TLDC2: variants seen among roughly 807,000 people sequenced by gnomAD.
TLDC2 encodes the protein TLD domain-containing protein 2.
A neutral mutation model predicts 27.9 loss-of-function variants in TLDC2; 23 were observed. That is an observed-to-expected ratio of 0.82 (90% confidence interval 0.59 to 1.17). The LOEUF (loss-of-function observed/expected upper bound fraction) is 1.17. Among genes scored for constraint, TLDC2 ranks in the 50% most tolerant of loss-of-function variants. The pLI, the probability that TLDC2 is intolerant of heterozygous loss-of-function variation, is 0.00. For synonymous variants in TLDC2, 124 were observed against 107.4 expected (o/e 1.16, Z -0.96); for missense variants, 286 against 273.4 (o/e 1.05, Z -0.32).
intron 4 of TLDC2, among the ~76,000 whole-genome samples, chr20:36,885,489 C>A (rs1989903129): frequency 2.6e-5 from 4 of 152,156 alleles, no homozygotes; most frequent in Admixed American, 2.6e-4. Context: ...GCACCATGAA[C>A]TTGGTCTCAA....
At chr20:36,885,014 G>A (rs1242389791) in intron 4 of TLDC2, among the ~76,000 whole-genome samples, 1 of 151,654 alleles carries the variant, frequency 6.6e-6, no homozygotes, top group Non-Finnish European at 1.5e-5. Flanking sequence ...GAGTAGCTGG[G>A]ATTACAGGCA....
chr20:36,887,311 C>A (rs367739668), intron 4 of TLDC2, 144 bp from the exon 5 acceptor site: 2 of 724,806 alleles, frequency 2.8e-6, no homozygotes, highest in Admixed American at 4.0e-5. Flanking sequence ...CCCAAGATCC[C>A]TGAGCCCGGA....
In TLDC2 at chr20:36,879,023, C is replaced by T. The variant is rs746994588; in HGVS notation, c.190-18C>T. The T allele has an allele frequency of 1.2e-6, 2 of 1,614,082 alleles. No homozygotes were observed. Among genetic ancestry groups the T allele is most frequent in the African/African-American group, 2.7e-5 (2 of 74,946 alleles). On this transcript the variant is annotated intron_variant, in intron 2 of 6. Coordinates refer to ENST00000217320, the MANE Select transcript of TLDC2 (RefSeq NM_080628.3). ...GCGCGAGGAGAACTCCTCCATTCAC[C>T]TCCAACCCTGTCCCCAGCTCAGCTT...
intron 2 of TLDC2, 97 bp downstream of exon 2, chr20:36,878,151 A>G: frequency 1.5e-6 from 2 of 1,354,504 alleles, no homozygotes; most frequent in Non-Finnish European, 9.9e-7. Context: ...ACCTAGAGTC[A>G]CTCTTGCTCT....
intron 4 of TLDC2, among the ~76,000 whole-genome samples, chr20:36,882,334 G>GGTCTT (rs1989832747): frequency 6.6e-6 from 1 of 152,160 alleles, no homozygotes; most frequent in Non-Finnish European, 1.5e-5. Flanking sequence ...CTTGAGCCCA[G>GGTCTT]GAGTTCAAGA....
At chr20:36,888,920 G>A (rs1220350372) in intron 5 of TLDC2, among the ~76,000 whole-genome samples, 1 of 151,846 alleles carries the variant, frequency 6.6e-6, no homozygotes, top group Non-Finnish European at 1.5e-5. Flanking sequence ...TACTAGGGAG[G>A]CTGAGGTAGG....
In TLDC2 at chr20:36,893,246, T is replaced by C; in HGVS notation, c.*402T>C. 1 of 703,338 alleles carries C rather than the reference T, an allele frequency of 1.4e-6. No homozygotes were observed. Among genetic ancestry groups the C allele is most frequent in the Non-Finnish European group, 2.4e-6 (1 of 416,272 alleles). 43.6% of individuals were successfully genotyped at this position (703,338 alleles called of 1,614,324 possible). On this transcript the variant is annotated 3_prime_UTR_variant, in exon 7 of 7. Transcript: ENST00000217320. ...TGTGCTTGGGGCAAATTAGAAACACTACAGTCTTACGCAGGAAGAGCCTTC... is the reference window on the plus strand; with the variant it reads ...TGTGCTTGGGGCAAATTAGAAACACCACAGTCTTACGCAGGAAGAGCCTTC...
At chr20:36,876,439 C>T (rs939599790) in intron 1 of TLDC2, among the ~76,000 whole-genome samples, 1 of 152,190 alleles carries the variant, frequency 6.6e-6, no homozygotes. Context: ...GTCCCTTCCT[C>T]CCTGGAGTGG....
intron 5 of TLDC2, among the ~76,000 whole-genome samples, 192 bp downstream of exon 5, chr20:36,887,720 G>C (rs921134899): frequency 6.6e-6 from 1 of 152,188 alleles, no homozygotes; most frequent in Non-Finnish European, 1.5e-5. Flanking sequence ...AAGGAGAAAG[G>C]ATGCATGAGT....
Position 36,892,917 on chromosome 20 carries a change from A to G in TLDC2, c.*73A>G, listed in dbSNP as rs1405383746. The G allele has an allele frequency of 1.2e-6, 2 of 1,614,060 alleles. No individual in the cohort carries two copies. Among genetic ancestry groups the G allele is most frequent in the South Asian group, 2.2e-5 (2 of 91,072 alleles). ...GTGCAGGAGAGGGAGTTTGTAAACAACTGACTACAGACATTCACATTGGGT... is the reference window on the plus strand; with the variant it reads ...GTGCAGGAGAGGGAGTTTGTAAACAGCTGACTACAGACATTCACATTGGGT... On this transcript the variant is annotated 3_prime_UTR_variant, in exon 7 of 7. Coordinates refer to ENST00000217320, the MANE Select transcript of TLDC2 (RefSeq NM_080628.3).
intron 1 of TLDC2, among the ~76,000 whole-genome samples, chr20:36,877,590 A>G (rs1304308686): frequency 1.5e-5 from 2 of 136,144 alleles, no homozygotes; most frequent in African/African-American, 5.6e-5. Flanking sequence ...CCACCCACCC[A>G]GGACCATGGC....
chr20:36,887,238 G>A (rs919931826), intron 4 of TLDC2, among the ~76,000 whole-genome samples: 1 of 152,136 alleles, frequency 6.6e-6, no homozygotes, highest in Non-Finnish European at 1.5e-5. Context: ...GAGGCTTCTA[G>A]GCTGTAGGAA....
rs951727370 is a variant in TLDC2, at chr20:36,889,131, G to A, written c.513-120G>A. On this transcript the variant is annotated intron_variant, in intron 5 of 6. Transcript: ENST00000217320. Reference sequence around the variant, plus strand: ...TTCAGTATAAATTGCTTTAAGGGGCGATAAGACAGGTGAAACTGGGCTGCC... The same window carrying A: ...TTCAGTATAAATTGCTTTAAGGGGCAATAAGACAGGTGAAACTGGGCTGCC... 65 of 1,434,608 alleles carry A rather than the reference G, an allele frequency of 4.5e-5. No homozygotes were observed. The South Asian group carries it at 6.2e-4, about 14-fold the overall frequency. 88.9% of individuals were successfully genotyped at this position (1,434,608 alleles called of 1,614,324 possible).
At position 36,884,875 on chromosome 20, in the gene TLDC2, C is replaced by CTTTT. The variant is rs11480944; in HGVS notation, c.439-2563_439-2560dup. Among the ~76,000 whole-genome samples, 35 of 103,230 alleles carry CTTTT rather than the reference C, an allele frequency of 3.4e-4. 2 individuals are homozygous for CTTTT. The highest frequency in any genetic ancestry group is 1.1e-3 in the African/African-American group (30 of 26,172). The allele number at this position is 103,230 out of a possible 152,430, so 67.7% of individuals were successfully genotyped here. On this transcript the variant is annotated intron_variant, in intron 4 of 6. Transcript: ENST00000217320. ...TTTGCCATCATTTAACACAGAAATT[C>CTTTT]TTTTTTTTTTTTTTTTTTTTGAGAC...
chr20:36,893,680 C>T lies in TLDC2; in HGVS notation c.*836C>T, dbSNP rs1435938476. ...ATACTTGACTCTATGCTAAACTGTTCTGAACTTGTGGGTAGATCTTCTTTG... is the reference window on the plus strand; with the variant it reads ...ATACTTGACTCTATGCTAAACTGTTTTGAACTTGTGGGTAGATCTTCTTTG... On this transcript the variant is annotated 3_prime_UTR_variant, in exon 7 of 7. Transcript: ENST00000217320. 2.6e-6 allele frequency: 1 copy of T among 388,294 alleles called. No individual in the cohort carries two copies. Among genetic ancestry groups the T allele is most frequent in the Non-Finnish European group, 4.5e-6 (1 of 220,426 alleles). The allele number at this position is 388,294 out of a possible 1,614,324, so 24.1% of individuals were successfully genotyped here.
At chr20:36,880,411 T>C (rs565059251) in intron 3 of TLDC2, among the ~76,000 whole-genome samples, 1 of 151,876 alleles carries the variant, frequency 6.6e-6, no homozygotes, top group African/African-American at 2.4e-5. Flanking sequence ...TAAGTATATT[T>C]AAGAAAAAGG....
At chr20:36,886,611 T>C (rs185342746) in intron 4 of TLDC2, among the ~76,000 whole-genome samples, 2 of 151,588 alleles carry the variant, frequency 1.3e-5, no homozygotes, top group African/African-American at 2.4e-5. Flanking sequence ...AGAAAAAAAA[T>C]TTTTTTTAGA....
In TLDC2 at chr20:36,887,439, C is replaced by T. The variant is rs1051184159; in HGVS notation, c.439-16C>T. 1 of 1,611,340 alleles carries T rather than the reference C, an allele frequency of 6.2e-7. No homozygotes were observed. Among genetic ancestry groups the T allele is most frequent in the Non-Finnish European group, 8.5e-7 (1 of 1,177,564 alleles). Reference sequence around the variant, plus strand: ...GCTCGCTTAGTAACCTGAGCCTTTCCCTATGTATCACCCAGGTCTTTAAGT... The same window carrying T: ...GCTCGCTTAGTAACCTGAGCCTTTCTCTATGTATCACCCAGGTCTTTAAGT... On this transcript the variant is annotated splice_polypyrimidine_tract_variant and intron_variant, in intron 4 of 6. Coordinates refer to ENST00000217320, the MANE Select transcript of TLDC2 (RefSeq NM_080628.3).
At position 36,878,326 on chromosome 20, in the gene TLDC2, ATC is replaced by A. The variant is rs111228747; in HGVS notation, c.189+273_189+274del. Among the ~76,000 whole-genome samples, 223 of 152,314 alleles carry A rather than the reference ATC, an allele frequency of 1.5e-3. 4 individuals carry two copies. The highest frequency in any genetic ancestry group is 5.0e-3 in the African/African-American group (207 of 41,576). ...ACGGGCGCGGTGGCTCACGCCTGTA[ATC>A]CCAGCACTTTGGGAGGCGAAGGCAG... On this transcript the variant is annotated intron_variant, in intron 2 of 6. Coordinates refer to ENST00000217320, the MANE Select transcript of TLDC2 (RefSeq NM_080628.3).
Sources: gnomAD v4.1 joint callset for allele counts (sites outside exome capture counted in the v4.1 genomes callset) on GRCh38, gnomAD v4.1.1 for gene constraint, MANE v1.5 for transcripts, NCBI Gene and HGNC (gene_info 2026-07-23, HGNC 2026-07-21) for gene names.